The following OXR1 variants were observed in gnomAD, a reference collection of about 807,000 sequenced individuals.
The protein encoded by OXR1 is oxidation resistance protein 1.
OXR1 carries 41 observed loss-of-function variants against 104.6 expected under a neutral mutation model. That is an observed-to-expected ratio of 0.39 (90% CI 0.31 to 0.51). The LOEUF is 0.51. OXR1 is among the 20% of genes least tolerant of loss of function. OXR1 has a pLI of 0.77. For synonymous variants in OXR1, 348 were observed against 348.4 expected, an observed-to-expected ratio of 1.00 and a Z score of 0.01; for missense variants, 955 against 1,031.9, an observed-to-expected ratio of 0.93 and a Z score of 1.02.
intron 3 of OXR1, among the ~76,000 whole-genome samples, chr8:106,538,301 T>C (rs893801884): frequency 2.6e-5 from 4 of 152,252 alleles, no homozygotes; most frequent in African/African-American, 9.6e-5. Flanking sequence ...AAATTATTAC[T>C]TTTTAATTTT....
chr8:106,480,190 A>G (rs1822029694), intron 2 of OXR1, among the ~76,000 whole-genome samples: 2 of 152,058 alleles, frequency 1.3e-5, no homozygotes, highest in South Asian at 2.1e-4. Flanking sequence ...GATGGAAAAG[A>G]GGAAAAACCT....
At chr8:106,716,850 T>TA (rs1253298400) in intron 11 of OXR1, among the ~76,000 whole-genome samples, 2 of 152,174 alleles carry the variant, frequency 1.3e-5, no homozygotes, top group Non-Finnish European at 2.9e-5. Context: ...TATCTTACAT[T>TA]ATATTGCTCT....
intron 3 of OXR1, among the ~76,000 whole-genome samples, chr8:106,530,360 C>T (rs936790202): frequency 8.6e-5 from 13 of 152,036 alleles, no homozygotes; most frequent in South Asian, 4.2e-4. Context: ...AGCAGTGGTA[C>T]GATCATAGCT....
chr8:106,477,441 T>C (rs1024966673), intron 2 of OXR1, among the ~76,000 whole-genome samples: 9 of 152,140 alleles, frequency 5.9e-5, no homozygotes, highest in African/African-American at 2.2e-4. Flanking sequence ...CAGTTATGAT[T>C]GAATACTGCA....
At chr8:106,465,596 G>A (rs183800013) in intron 2 of OXR1, among the ~76,000 whole-genome samples, 26 of 151,966 alleles carry the variant, frequency 1.7e-4, no homozygotes, top group South Asian at 8.3e-4. Context: ...ATGAGAAGTC[G>A]TCAAATTATT....
At chr8:106,653,940 G>T (rs1196722808) in intron 3 of OXR1, among the ~76,000 whole-genome samples, 1 of 151,866 alleles carries the variant, frequency 6.6e-6, no homozygotes, top group Non-Finnish European at 1.5e-5. Context: ...CTGTATACTA[G>T]CAATGGCAAT....
chr8:106,615,547 G>T (rs555357102), intron 3 of OXR1, among the ~76,000 whole-genome samples: 1 of 149,660 alleles, frequency 6.7e-6, no homozygotes, highest in East Asian at 2.0e-4. Flanking sequence ...GGCAGAAGTT[G>T]CAGTAAGCCG....
chr8:106,360,604 A>G (rs2130341704), intron 2 of OXR1, among the ~76,000 whole-genome samples: 1 of 152,214 alleles, frequency 6.6e-6, no homozygotes, highest in African/African-American at 2.4e-5. Flanking sequence ...ATATCCTTGG[A>G]TCTTTTGGCC....
intron 3 of OXR1, among the ~76,000 whole-genome samples, chr8:106,659,936 A>C (rs576314824): frequency 2.0e-5 from 3 of 152,314 alleles, no homozygotes; most frequent in African/African-American, 7.2e-5. Flanking sequence ...TTCATTGCAT[A>C]TTCTTTAATA....
At chr8:106,738,305 GTTTCTT>G (rs918314770) in intron 12 of OXR1, among the ~76,000 whole-genome samples, 12 of 152,012 alleles carry the variant, frequency 7.9e-5, no homozygotes, top group Middle Eastern at 3.4e-3. Flanking sequence ...GCTGCCTTGG[GTTTCTT>G]TTTCTTTTTC....
chr8:106,362,347 A>G (rs1196650396), intron 2 of OXR1, among the ~76,000 whole-genome samples: 2 of 152,172 alleles, frequency 1.3e-5, no homozygotes, highest in Non-Finnish European at 2.9e-5. Flanking sequence ...TGACTCTCGT[A>G]GAAAACCTAG....
intron 1 of OXR1, among the ~76,000 whole-genome samples, chr8:106,319,159 G>A (rs946532582): frequency 1.3e-5 from 2 of 152,142 alleles, no homozygotes; most frequent in Non-Finnish European, 2.9e-5. Context: ...TGCTTCATGG[G>A]TTCTTATTTC....
At chr8:106,453,864 C>T (rs1328486019) in intron 2 of OXR1, among the ~76,000 whole-genome samples, 1 of 114,956 alleles carries the variant, frequency 8.7e-6, no homozygotes, top group Non-Finnish European at 1.6e-5. Flanking sequence ...CCCATTTCAT[C>T]AAATCTAAGA....
At position 106,355,465 on chromosome 8, in the gene OXR1, A is replaced by T. The variant is rs538929541; in HGVS notation, c.-138-4011A>T. 4.6e-5 allele frequency among the ~76,000 whole-genome samples: 7 copies of T among 152,306 alleles called. No homozygotes were observed. In the East Asian group the frequency reaches 9.6e-4, roughly 21 times the overall value. ...TTTTAAAAAAATCACGTCATAAAAA[A>T]GTAAATATAACAGGCTTTTTAATTT... On this transcript the variant is annotated intron_variant, in intron 1 of 16. Coordinates refer to ENST00000517566, the MANE Select transcript of OXR1 (RefSeq NM_001198533.2).
At chr8:106,485,335 T>A (rs1810577288) in intron 2 of OXR1, among the ~76,000 whole-genome samples, 1 of 152,110 alleles carries the variant, frequency 6.6e-6, no homozygotes, top group Non-Finnish European at 1.5e-5. Flanking sequence ...TATTATGATG[T>A]GTTAGTATAA....
chr8:106,552,629 A>G (rs1441469361), intron 3 of OXR1, among the ~76,000 whole-genome samples: 2 of 152,208 alleles, frequency 1.3e-5, no homozygotes, highest in African/African-American at 4.8e-5. Flanking sequence ...CCACAAAGCA[A>G]AAGTGCATGA....
chr8:106,498,639 G>T (rs963102384), intron 2 of OXR1, among the ~76,000 whole-genome samples: 9 of 152,126 alleles, frequency 5.9e-5, no homozygotes, highest in African/African-American at 2.2e-4. Context: ...AGCTGTGTGT[G>T]TGAGTGTGTG....
At chr8:106,280,462 T>C (rs138777166) in intron 1 of OXR1, among the ~76,000 whole-genome samples, 441 of 152,300 alleles carry the variant, frequency 2.9e-3, no homozygotes, top group African/African-American at 0.01. Flanking sequence ...TGTTGGTTTA[T>C]AGACTCATCA....
At chr8:106,274,787 T>A (rs1416053177) in intron 1 of OXR1, among the ~76,000 whole-genome samples, 1 of 152,190 alleles carries the variant, frequency 6.6e-6, no homozygotes, top group Non-Finnish European at 1.5e-5. Context: ...AATTGCATAT[T>A]CTTGCTATTA....
Sources: gnomAD v4.1 joint callset for allele counts (sites outside exome capture counted in the v4.1 genomes callset) on GRCh38, gnomAD v4.1.1 for gene constraint, MANE v1.5 for transcripts, NCBI Gene and HGNC (gene_info 2026-07-23, HGNC 2026-07-21) for gene names.